Variants in GARS1 observed in about 807,000 individuals in gnomAD.
GARS1 encodes the protein glycyl-tRNA synthetase 1.
Under a neutral mutation model 86.4 loss-of-function variants are expected in GARS1, and 46 were observed. That is an observed-to-expected ratio of 0.53 (90% CI 0.42 to 0.68). GARS1 has a LOEUF of 0.68. GARS1 is among the 30% of genes least tolerant of loss of function. The pLI is 0.00. For synonymous variants in GARS1, 342 were observed against 329.8 expected (o/e 1.04, Z -0.40); for missense variants, 797 against 915.6 (o/e 0.87, Z 1.67).
At chr7:30,595,627 G>A (rs1366990613) in intron 1 of GARS1, among the ~76,000 whole-genome samples, 1 of 152,182 alleles carries the variant, frequency 6.6e-6, no homozygotes, top group East Asian at 1.9e-4. Context: ...TCGTCTTACG[G>A]CCAGGCCCTT....
intron 10 of GARS1, among the ~76,000 whole-genome samples, 185 bp downstream of exon 10, chr7:30,617,463 G>A (rs924845537): frequency 6.6e-6 from 1 of 152,210 alleles, no homozygotes; most frequent in Non-Finnish European, 1.5e-5. Flanking sequence ...GGAGCTCGTT[G>A]TAGTCTTAGA....
At chr7:30,597,249 T>C (rs899542831) in intron 1 of GARS1, among the ~76,000 whole-genome samples, 49 of 152,308 alleles carry the variant, frequency 3.2e-4, no homozygotes, top group African/African-American at 1.1e-3. Flanking sequence ...CAATGCATGA[T>C]GTTATGAAAT....
At chr7:30,603,438 T>C in intron 5 of GARS1, 58 bp from the exon 6 acceptor site, 4 of 1,362,702 alleles carry the variant, frequency 2.9e-6, no homozygotes, top group Non-Finnish European at 4.2e-6. Context: ...GCATTGAAAC[T>C]GAAAAGTGCA....
chr7:30,622,579 C>A, intron 12 of GARS1, 117 bp downstream of exon 12: 1 of 1,220,894 alleles, frequency 8.2e-7, no homozygotes, highest in Non-Finnish European at 1.2e-6. Flanking sequence ...TGTATCTTGG[C>A]TGCATTTAAA....
intron 6 of GARS1, among the ~76,000 whole-genome samples, chr7:30,605,344 A>G (rs1791459837): frequency 6.6e-6 from 1 of 152,234 alleles, no homozygotes; most frequent in Admixed American, 6.5e-5. Flanking sequence ...CCATCTCTGG[A>G]TGTTCCAGTT....
chr7:30,625,177 C>T (rs1038357081), intron 12 of GARS1, among the ~76,000 whole-genome samples: 1 of 152,178 alleles, frequency 6.6e-6, no homozygotes, highest in African/African-American at 2.4e-5. Flanking sequence ...CTCCTGACCT[C>T]AGGTGATCCA....
intron 14 of GARS1, among the ~76,000 whole-genome samples, chr7:30,630,972 G>T (rs768241098): frequency 6.6e-6 from 1 of 152,116 alleles, no homozygotes; most frequent in Non-Finnish European, 1.5e-5. Flanking sequence ...TGTTTCACTT[G>T]GTCACTGAGG....
chr7:30,626,129 A>G (rs1036942757), intron 12 of GARS1, 105 bp from the exon 13 acceptor site: 14 of 685,894 alleles, frequency 2.0e-5, no homozygotes, highest in African/African-American at 3.6e-5. Flanking sequence ...AGAGTTGATC[A>G]AGTTATAAAA....
intron 4 of GARS1, among the ~76,000 whole-genome samples, 174 bp downstream of exon 4, chr7:30,601,374 A>T (rs1469225205): frequency 6.6e-6 from 1 of 152,212 alleles, no homozygotes; most frequent in Admixed American, 6.5e-5. Flanking sequence ...ACAGATAGCT[A>T]TGTTAAGATG....
chr7:30,601,091 G>A lies in GARS1; in HGVS notation c.460G>A (p.Gly154Ser), dbSNP rs1310016151. ...VSGLYDFGPV[G>S]CALKNNIIQT... is the part of the protein sequence containing the mutation. ...TGGTCTGTATGACTTTGGGCCAGTTGGCTGTGCTTTGAAGAACAATATTAT... is the reference window on the plus strand; with the variant it reads ...TGGTCTGTATGACTTTGGGCCAGTTAGCTGTGCTTTGAAGAACAATATTAT... Residue 154 changes from glycine (G) to serine (S), a missense_variant, in exon 4 of 17, where the codon GGC becomes AGC. Gly to Ser is a moderately conservative substitution (Grantham distance 56). Transcript: ENST00000389266. 3 of 1,613,916 alleles carry A rather than the reference G, an allele frequency of 1.9e-6. No individual in the cohort carries two copies. Among genetic ancestry groups the A allele is most frequent in the African/African-American group, 2.7e-5 (2 of 74,896 alleles).
chr7:30,629,046 T>A (rs1400097080), intron 14 of GARS1, among the ~76,000 whole-genome samples: 2 of 152,226 alleles, frequency 1.3e-5, no homozygotes, highest in African/African-American at 2.4e-5. Context: ...AAGCTGTATC[T>A]GTACTCTGGT....
intron 9 of GARS1, among the ~76,000 whole-genome samples, chr7:30,616,503 A>G (rs1236329969): frequency 1.3e-5 from 2 of 152,190 alleles, no homozygotes; most frequent in African/African-American, 4.8e-5. Flanking sequence ...AAAACTTGCC[A>G]ACAGTAGCTG....
chr7:30,605,621 ATCC>A (rs999630167), intron 6 of GARS1, among the ~76,000 whole-genome samples: 16 of 152,150 alleles, frequency 1.1e-4, no homozygotes, highest in African/African-American at 3.4e-4. Context: ...GAGCTCAAGA[ATCC>A]TCCTGTCTGG....
intron 10 of GARS1, among the ~76,000 whole-genome samples, chr7:30,620,132 A>G (rs2128134977): frequency 6.6e-6 from 1 of 152,138 alleles, no homozygotes; most frequent in South Asian, 2.1e-4. Context: ...CAAGGGCAAA[A>G]AAAAAAAATG....
chr7:30,614,464 G>A (rs1379366752), intron 8 of GARS1, among the ~76,000 whole-genome samples: 1 of 152,148 alleles, frequency 6.6e-6, no homozygotes, highest in Non-Finnish European at 1.5e-5. Context: ...CAAACACCAT[G>A]TTTGTTTCTC....
At chr7:30,622,783 T>C in intron 12 of GARS1, 1 of 358,794 alleles carries the variant, frequency 2.8e-6, no homozygotes. Flanking sequence ...GAATACTCTC[T>C]GTAATTGTTT....
At chr7:30,621,618 A>C in intron 11 of GARS1, 118 bp downstream of exon 11, 1 of 814,270 alleles carries the variant, frequency 1.2e-6, no homozygotes, top group Non-Finnish European at 2.2e-6. Context: ...ACACTGTAGT[A>C]ACGCTTGTTT....
chr7:30,608,567 C>G (rs1308808971), intron 6 of GARS1, among the ~76,000 whole-genome samples: 1 of 152,148 alleles, frequency 6.6e-6, no homozygotes, highest in Non-Finnish European at 1.5e-5. Flanking sequence ...TTAAATTGCA[C>G]ATTCAAATCT....
At position 30,603,198 on chromosome 7, in the gene GARS1, A is replaced by G. The variant is rs1791415349; in HGVS notation, c.658+76A>G. On this transcript the variant is annotated intron_variant, in intron 5 of 16. Transcript: ENST00000389266. ...AACTTTCTCTCAGATGTCTTTCATT[A>G]AATTTTTTATTGAGGCATAACATTC... The G allele has an allele frequency of 4.0e-6, 5 of 1,263,320 alleles. No individual in the cohort carries two copies. The Admixed American group carries it at 8.6e-5, about 22-fold the overall frequency. 78.3% of individuals were successfully genotyped at this position (1,263,320 alleles called of 1,614,324 possible).
Sources: gnomAD v4.1 joint callset for allele counts (sites outside exome capture counted in the v4.1 genomes callset) on GRCh38, gnomAD v4.1.1 for gene constraint, MANE v1.5 for transcripts, NCBI Gene and HGNC (gene_info 2026-07-23, HGNC 2026-07-21) for gene names.